CRLS1: variants seen among roughly 807,000 people sequenced by gnomAD.
CRLS1 encodes cardiolipin synthase (CMP-forming).
Under a neutral mutation model 37.0 loss-of-function variants are expected in CRLS1, and 24 were observed. The observed-to-expected ratio is 0.65, with a 90% CI of 0.47 to 0.91. CRLS1 has a LOEUF of 0.91. Among genes scored for constraint, CRLS1 ranks in the 40% least tolerant of loss-of-function variants. CRLS1 has a pLI of 0.00. For missense variants in CRLS1, 373 were observed against 395.8 expected (o/e 0.94, Z 0.49); for synonymous variants, 135 against 159.7 (o/e 0.85, Z 1.17).
chr20:6,034,245 G>T (rs1980388598), intron 5 of CRLS1, among the ~76,000 whole-genome samples: 1 of 152,208 alleles, frequency 6.6e-6, no homozygotes, highest in African/African-American at 2.4e-5. Flanking sequence ...TTGCTCTTAA[G>T]GGCAGCTGTG....
chr20:6,033,970 T>G (rs1264071187), intron 5 of CRLS1, among the ~76,000 whole-genome samples: 1 of 152,184 alleles, frequency 6.6e-6, no homozygotes, highest in Non-Finnish European at 1.5e-5. Flanking sequence ...TTTAATTTTC[T>G]AACCTCACAA....
At position 6,011,606 on chromosome 20, in the gene CRLS1, TG is replaced by T. The variant is rs1391600324; in HGVS notation, c.444+1698del. Among the ~76,000 whole-genome samples, 4 of 124,382 alleles carry T rather than the reference TG, an allele frequency of 3.2e-5. No individual in the cohort carries two copies. The East Asian group carries it at 9.2e-4, about 28-fold the overall frequency. 81.6% of individuals were successfully genotyped at this position (124,382 alleles called of 152,430 possible). A position where few individuals can be genotyped will look rare whatever the true frequency, so the allele number is the denominator to read the frequency against. Reference sequence around the variant, plus strand: ...TTTTTTTTTTTTTTTTTTTTTTTTTTGGGGAGACTGACTCTGTCGCCCAGGC... The same window carrying T: ...TTTTTTTTTTTTTTTTTTTTTTTTTTGGGAGACTGACTCTGTCGCCCAGGC... On this transcript the variant is annotated intron_variant, in intron 2 of 6. Coordinates refer to ENST00000378863, the MANE Select transcript of CRLS1 (RefSeq NM_019095.6).
chr20:6,027,881 T>C (rs1185543193), intron 3 of CRLS1, among the ~76,000 whole-genome samples: 1 of 152,244 alleles, frequency 6.6e-6, no homozygotes, highest in Non-Finnish European at 1.5e-5. Context: ...AACTGCTCTT[T>C]ATATGGACTT....
At chr20:6,034,581 T>G in intron 6 of CRLS1, 26 bp downstream of exon 6, 7 of 1,485,810 alleles carry the variant, frequency 4.7e-6, no homozygotes, top group Non-Finnish European at 6.6e-6. Context: ...AATCACTCTC[T>G]TAGAATGTCA....
intron 6 of CRLS1, among the ~76,000 whole-genome samples, chr20:6,034,925 T>C (rs1011277248): frequency 6.6e-6 from 1 of 152,036 alleles, no homozygotes; most frequent in African/African-American, 2.4e-5. Context: ...AGCCAAGAGA[T>C]AGAGTGTAGG....
chr20:6,033,478 T>C (rs1410586112), intron 5 of CRLS1, among the ~76,000 whole-genome samples: 1 of 152,302 alleles, frequency 6.6e-6, no homozygotes. Context: ...CTCATTTGGC[T>C]GCAGAACGGG....
chr20:6,013,201 A>G (rs1341852171), intron 2 of CRLS1, among the ~76,000 whole-genome samples: 2 of 149,398 alleles, frequency 1.3e-5, no homozygotes, highest in Non-Finnish European at 3.0e-5. Context: ...ATATGTATAT[A>G]CTGGGGAATT....
At chr20:6,028,258 T>C (rs1478910554) in intron 3 of CRLS1, 1 of 152,140 alleles carries the variant, frequency 6.6e-6, no homozygotes, top group Non-Finnish European at 1.5e-5. Flanking sequence ...TTTTGGTCTT[T>C]TTATGGGAGG....
intron 5 of CRLS1, among the ~76,000 whole-genome samples, chr20:6,032,593 A>G (rs939881758): frequency 3.9e-5 from 6 of 152,030 alleles, no homozygotes; most frequent in African/African-American, 7.2e-5. Context: ...ATGGCTGTTC[A>G]TTTTCAGGAT....
intron 1 of CRLS1, chr20:6,007,206 C>T (rs118000137): frequency 0.019 from 27,082 of 1,432,672 alleles, 302 homozygotes; most frequent in Non-Finnish European, 0.021. Flanking sequence ...GCAATTATTA[C>T]ATCTTCAATT....
At chr20:6,030,061 TTTTATC>T (rs1263418601) in intron 3 of CRLS1, among the ~76,000 whole-genome samples, 2 of 152,166 alleles carry the variant, frequency 1.3e-5, no homozygotes, top group Non-Finnish European at 2.9e-5. Flanking sequence ...TCCTTTTTAT[TTTTATC>T]TTTATTTATT....
At chr20:6,014,095 A>G (rs894296680) in intron 2 of CRLS1, among the ~76,000 whole-genome samples, 2 of 152,236 alleles carry the variant, frequency 1.3e-5, no homozygotes, top group Admixed American at 1.3e-4. Flanking sequence ...TGCAATAGCA[A>G]TAGCTAGTAA....
At chr20:6,031,884 T>C in intron 4 of CRLS1, 128 bp from the exon 5 acceptor site, 1 of 653,996 alleles carries the variant, frequency 1.5e-6, no homozygotes, top group Non-Finnish European at 2.6e-6. Context: ...CAATATTCAG[T>C]ATATATTGAA....
At chr20:6,018,599 C>G (rs943065743) in intron 3 of CRLS1, among the ~76,000 whole-genome samples, 2 of 152,120 alleles carry the variant, frequency 1.3e-5, no homozygotes, top group Non-Finnish European at 2.9e-5. Context: ...AAGTTCACTT[C>G]TGTTGGGAGT....
chr20:6,008,396 C>T (rs1015381984), intron 1 of CRLS1, among the ~76,000 whole-genome samples: 2 of 152,106 alleles, frequency 1.3e-5, no homozygotes, highest in Admixed American at 1.3e-4. Flanking sequence ...TCCGCTGGGC[C>T]GAGGCTTTTC....
intron 4 of CRLS1, 42 bp downstream of exon 4, chr20:6,031,412 G>T: frequency 7.0e-7 from 1 of 1,428,950 alleles, no homozygotes; most frequent in Non-Finnish European, 9.6e-7. Flanking sequence ...CATTATATAT[G>T]ATTTAAGGAA....
chr20:6,031,636 A>G (rs549256531), intron 4 of CRLS1, among the ~76,000 whole-genome samples: 1 of 152,232 alleles, frequency 6.6e-6, no homozygotes, highest in Non-Finnish European at 1.5e-5. Flanking sequence ...TTGCATATTT[A>G]TTCACAGGCT....
In CRLS1 at chr20:6,015,350, T is replaced by G. The variant is rs1568619143; in HGVS notation, c.445-11T>G. The G allele has an allele frequency of 6.5e-7, 1 of 1,542,992 alleles. No individual in the cohort carries two copies. Among genetic ancestry groups the G allele is most frequent in the Non-Finnish European group, 8.8e-7 (1 of 1,142,230 alleles). Reference sequence around the variant, plus strand: ...ACATTTATATATATAAAAAAAAACTTCTATTTTCAGTTGGATGGATTTATT... The same window carrying G: ...ACATTTATATATATAAAAAAAAACTGCTATTTTCAGTTGGATGGATTTATT... On this transcript the variant is annotated splice_polypyrimidine_tract_variant and intron_variant, in intron 2 of 6. Coordinates refer to ENST00000378863, the MANE Select transcript of CRLS1 (RefSeq NM_019095.6).
In CRLS1 at chr20:6,034,531, A is replaced by G. The variant is rs1409424097; in HGVS notation, c.797A>G (p.Asp266Gly). The G allele has an allele frequency of 1.2e-6, 2 of 1,612,134 alleles. No homozygotes were observed. The highest frequency in any genetic ancestry group is 3.3e-5 in the Admixed American group (2 of 60,022). ...SLAAPVFNYADSIYLQILWCF... is the reference protein window; with the variant it reads ...SLAAPVFNYAGSIYLQILWCF... ...GCAGCTCCAGTTTTCAACTATGCTG[A>G]CAGCATTTATCTTCAGATACTATGG... Residue 266 changes from aspartate (D) to glycine (G), a missense_variant, in exon 6 of 7, where the codon GAC becomes GGC. Asp to Gly is a moderately conservative substitution (Grantham distance 94). Transcript: ENST00000378863.
Sources: allele counts gnomAD v4.1 joint callset (sites outside exome capture counted in the v4.1 genomes callset), GRCh38; gene constraint gnomAD v4.1.1; transcripts MANE v1.5; gene names NCBI Gene and HGNC (gene_info 2026-07-23, HGNC 2026-07-21).